OLFM3: variants seen among roughly 807,000 people sequenced by gnomAD.
The protein encoded by OLFM3 is olfactomedin 3.
In OLFM3, 20 loss-of-function variants were observed where a neutral mutation model predicts 48.6. That is an observed-to-expected ratio of 0.41 (90% CI 0.29 to 0.60). OLFM3 has a LOEUF of 0.60. Among genes scored for constraint, OLFM3 ranks in the 20% least tolerant of loss-of-function variants. OLFM3 has a pLI of 0.28. For synonymous variants in OLFM3, 222 were observed against 198.1 expected (o/e 1.12, Z -1.01); for missense variants, 437 against 544.3 (o/e 0.80, Z 1.96).
intron 1 of OLFM3, among the ~76,000 whole-genome samples, chr1:101,920,925 A>G (rs1387966093): frequency 2.0e-5 from 3 of 152,150 alleles, no homozygotes; most frequent in African/African-American, 2.4e-5. Context: ...ATTTTTCTCA[A>G]AAGTTTTTTC....
chr1:101,834,982 CTTTAT>C (rs1268773072), intron 2 of OLFM3, among the ~76,000 whole-genome samples: 1 of 152,036 alleles, frequency 6.6e-6, no homozygotes, highest in Non-Finnish European at 1.5e-5. Flanking sequence ...GACATTTATA[CTTTAT>C]TTTAATTTTT....
chr1:101,885,663 T>C (rs1657723626), intron 1 of OLFM3, among the ~76,000 whole-genome samples: 1 of 152,094 alleles, frequency 6.6e-6, no homozygotes, highest in Non-Finnish European at 1.5e-5. Flanking sequence ...GGATAGTAAA[T>C]AAATTTTCTC....
At chr1:101,876,205 C>T (rs1366927576) in intron 1 of OLFM3, among the ~76,000 whole-genome samples, 1 of 151,962 alleles carries the variant, frequency 6.6e-6, no homozygotes, top group African/African-American at 2.4e-5. Context: ...TCATGGATAT[C>T]TTCCCACAAC....
chr1:101,883,172 G>A (rs1382042807), intron 1 of OLFM3, among the ~76,000 whole-genome samples: 4 of 151,674 alleles, frequency 2.6e-5, no homozygotes, highest in African/African-American at 7.3e-5. Flanking sequence ...TGAAATAGAA[G>A]ATGAAGGTAA....
intron 4 of OLFM3, among the ~76,000 whole-genome samples, chr1:101,823,697 G>A (rs142093602): frequency 1.3e-5 from 2 of 152,162 alleles, no homozygotes; most frequent in South Asian, 2.1e-4. Context: ...TGTACAATGA[G>A]TTAGAGAGGA....
rs375840566 is a variant in OLFM3 at position 101,933,117 on chromosome 1, G to A, written c.69+63631C>T. Among the ~76,000 whole-genome samples, 60 of 145,342 alleles carry A rather than the reference G, an allele frequency of 4.1e-4. 1 individual carries two copies. Among genetic ancestry groups the A allele is most frequent in the African/African-American group, 1.4e-3 (57 of 39,364 alleles). On this transcript the variant is annotated intron_variant, in intron 1 of 5. Coordinates refer to ENST00000370103, the MANE Select transcript of OLFM3 (RefSeq NM_058170.4). Reference sequence around the variant, plus strand: ...CTTGGGAGGCTGAGGCAGGAGAATGGCATGAACCCGGGAGGCGGAGCTTGC... The same window carrying A: ...CTTGGGAGGCTGAGGCAGGAGAATGACATGAACCCGGGAGGCGGAGCTTGC...
chr1:101,816,992 A>T (rs1353255567), intron 4 of OLFM3, among the ~76,000 whole-genome samples: 1 of 152,170 alleles, frequency 6.6e-6, no homozygotes, highest in Non-Finnish European at 1.5e-5. Flanking sequence ...TAAAACTGGC[A>T]GTGTCTTTGT....
At chr1:101,884,806 C>G (rs1164510991) in intron 1 of OLFM3, among the ~76,000 whole-genome samples, 1 of 151,942 alleles carries the variant, frequency 6.6e-6, no homozygotes, top group East Asian at 1.9e-4. Context: ...TTTTAAAGTT[C>G]TTTTGATATT....
At chr1:101,941,690 G>C (rs550458234) in intron 1 of OLFM3, among the ~76,000 whole-genome samples, 1 of 152,290 alleles carries the variant, frequency 6.6e-6, no homozygotes, top group South Asian at 2.1e-4. Context: ...ATTATAATCA[G>C]AGGTTGCTTA....
rs569101121 is a variant in OLFM3 at position 101,988,498 on chromosome 1, C to T, written c.69+8250G>A. On this transcript the variant is annotated intron_variant, in intron 1 of 5. Coordinates refer to ENST00000370103, the MANE Select transcript of OLFM3 (RefSeq NM_058170.4). ...GTAACCTGGCATAAGAGTTCTAAGTCTTTAAAGGTTCTTAAACTCAGTCTT... is the reference window on the plus strand; with the variant it reads ...GTAACCTGGCATAAGAGTTCTAAGTTTTTAAAGGTTCTTAAACTCAGTCTT... Among the ~76,000 whole-genome samples the T allele has an allele frequency of 5.6e-4, 85 of 152,156 alleles. 2 individuals carry two copies. The highest frequency in any genetic ancestry group is 3.4e-3 in the Middle Eastern group (1 of 294).
chr1:101,900,750 A>G (rs894319868), intron 1 of OLFM3, among the ~76,000 whole-genome samples: 1 of 152,086 alleles, frequency 6.6e-6, no homozygotes, highest in Admixed American at 6.6e-5. Context: ...TTGAGATGTA[A>G]AGGATATTTG....
At chr1:101,877,052 T>G (rs993307051) in intron 1 of OLFM3, among the ~76,000 whole-genome samples, 2 of 152,130 alleles carry the variant, frequency 1.3e-5, no homozygotes, top group Middle Eastern at 3.4e-3. Context: ...TGAGCCATTT[T>G]GAAGAACAAA....
intron 1 of OLFM3, among the ~76,000 whole-genome samples, chr1:101,990,989 TAAAAAAAAAAAA>T (rs58481588): frequency 1.1e-4 from 1 of 8,904 alleles, no homozygotes; most frequent in African/African-American, 2.6e-4. Flanking sequence ...TGTCAAAAAG[TAAAAAAAAAAAA>T]AAAAAAAAAA....
intron 1 of OLFM3, among the ~76,000 whole-genome samples, chr1:101,948,718 A>G (rs533580755): frequency 7.6e-4 from 116 of 152,074 alleles, no homozygotes; most frequent in Non-Finnish European, 1.1e-3. Context: ...ACTGGATGTC[A>G]AAACACTCAG....
chr1:101,842,195 A>G (rs1040969158), intron 1 of OLFM3, among the ~76,000 whole-genome samples: 1 of 152,186 alleles, frequency 6.6e-6, no homozygotes, highest in African/African-American at 2.4e-5. Context: ...AACAACTATA[A>G]AAGCAAAAAT....
At chr1:101,859,380 T>C (rs1570569456) in intron 1 of OLFM3, among the ~76,000 whole-genome samples, 1 of 151,898 alleles carries the variant, frequency 6.6e-6, no homozygotes, top group East Asian at 1.9e-4. Context: ...AGCGTCAGCA[T>C]AAGAAATAAC....
At chr1:101,991,307 T>C (rs993753613) in intron 1 of OLFM3, among the ~76,000 whole-genome samples, 2 of 152,064 alleles carry the variant, frequency 1.3e-5, no homozygotes, top group Non-Finnish European at 2.9e-5. Context: ...CAGTCTGGTT[T>C]TGTATCTTTC....
intron 2 of OLFM3, among the ~76,000 whole-genome samples, chr1:101,831,130 C>T (rs1032744512): frequency 6.6e-6 from 1 of 152,126 alleles, no homozygotes; most frequent in African/African-American, 2.4e-5. Flanking sequence ...CATTTTAAGG[C>T]TTTGTAAGCT....
At chr1:101,808,111 C>T (rs1653866764) in intron 4 of OLFM3, among the ~76,000 whole-genome samples, 1 of 143,096 alleles carries the variant, frequency 7.0e-6, no homozygotes, top group Non-Finnish European at 1.5e-5. Flanking sequence ...AAGGGCCTCT[C>T]TTTTCCCCTA....
Sources: gnomAD v4.1 joint callset for allele counts (sites outside exome capture counted in the v4.1 genomes callset) on GRCh38, gnomAD v4.1.1 for gene constraint, MANE v1.5 for transcripts, NCBI Gene and HGNC (gene_info 2026-07-23, HGNC 2026-07-21) for gene names.